The following TRAF5 variants were observed in gnomAD, a reference collection of about 807,000 sequenced individuals.
The protein encoded by TRAF5 is TNF receptor associated factor 5, also known as TNF receptor-associated factor 5.
A neutral mutation model predicts 64.5 loss-of-function variants in TRAF5; 48 were observed. That is an observed-to-expected ratio of 0.74 (90% CI 0.59 to 0.95). The LOEUF is 0.95. TRAF5 is among the 40% of genes least tolerant of loss of function. The pLI is 0.00. For synonymous variants in TRAF5, 206 were observed against 240.5 expected (o/e 0.86, Z 1.33); for missense variants, 545 against 662.8 (o/e 0.82, Z 1.95).
chr1:211,327,405 T>C (rs1702048649), intron 1 of TRAF5, among the ~76,000 whole-genome samples: 1 of 152,200 alleles, frequency 6.6e-6, no homozygotes, highest in Non-Finnish European at 1.5e-5. Context: ...TTGCAAGGAA[T>C]GGAAGCCTCT....
Position 211,335,960 on chromosome 1 carries a change from T to A in TRAF5, c.-2+9071T>A, listed in dbSNP as rs1702279289. Among the ~76,000 whole-genome samples the A allele has an allele frequency of 2.0e-5, 3 of 151,910 alleles. No individual in the cohort carries two copies. The South Asian group carries it at 6.2e-4, about 32-fold the overall frequency. On this transcript the variant is annotated intron_variant, in intron 1 of 10. Transcript: ENST00000261464. The stretch of plus-strand genomic sequence containing the variant: ...GTGTGGTGGCAGGAAGTAGAGGTGG[T>A]CTGGTCTGATGATCTCTGTTTTTTT...
At chr1:211,327,310 C>T (rs1268498614) in intron 1 of TRAF5, among the ~76,000 whole-genome samples, 1 of 152,202 alleles carries the variant, frequency 6.6e-6, no homozygotes, top group African/African-American at 2.4e-5. Flanking sequence ...CAAACCAGGC[C>T]CTGGCCCCCT....
At chr1:211,347,013 C>G (rs1702631527) in intron 1 of TRAF5, among the ~76,000 whole-genome samples, 1 of 152,138 alleles carries the variant, frequency 6.6e-6, no homozygotes, top group Non-Finnish European at 1.5e-5. Context: ...CACTGTACAT[C>G]CCATTGATGG....
intron 8 of TRAF5, 26 bp from the exon 9 acceptor site, chr1:211,369,424 TTA>T: frequency 6.4e-7 from 1 of 1,562,476 alleles, no homozygotes; most frequent in Non-Finnish European, 8.6e-7. Flanking sequence ...TTCAGTGACT[TTA>T]TTTTTCCTCA....
At chr1:211,357,425 C>T (rs939835666) in intron 4 of TRAF5, 2 of 152,134 alleles carry the variant, frequency 1.3e-5, no homozygotes, top group Non-Finnish European at 2.9e-5. Flanking sequence ...TAGTCGAGTC[C>T]TAGAGCAAGG....
intron 1 of TRAF5, among the ~76,000 whole-genome samples, chr1:211,336,781 T>C (rs1352724280): frequency 2.0e-5 from 3 of 152,234 alleles, no homozygotes; most frequent in African/African-American, 7.2e-5. Flanking sequence ...TGCCTCAGCC[T>C]CCTGAGTAGC....
intron 4 of TRAF5, 105 bp from the exon 5 acceptor site, chr1:211,359,807 C>A: frequency 7.1e-7 from 1 of 1,404,728 alleles, no homozygotes; most frequent in Non-Finnish European, 9.9e-7. Context: ...AGCCTTTCTG[C>A]CCAGCTGCCC....
At chr1:211,356,307 C>A in intron 3 of TRAF5, 60 bp from the exon 4 acceptor site, 1 of 1,438,154 alleles carries the variant, frequency 7.0e-7, no homozygotes, top group Non-Finnish European at 9.7e-7. Context: ...TTAGTAATAG[C>A]TTAATTCACA....
intron 8 of TRAF5, among the ~76,000 whole-genome samples, chr1:211,367,741 T>G (rs1703401548): frequency 6.6e-6 from 1 of 152,070 alleles, no homozygotes; most frequent in Admixed American, 6.5e-5. Flanking sequence ...GGCAGGTAGG[T>G]GGAAGTCAGC....
chr1:211,330,222 C>T (rs868015000), intron 1 of TRAF5, among the ~76,000 whole-genome samples: 1 of 152,022 alleles, frequency 6.6e-6, no homozygotes, highest in East Asian at 1.9e-4. Flanking sequence ...CTTAGAGACC[C>T]AGTATTAAGT....
chr1:211,343,733 C>T (rs7512718), intron 1 of TRAF5, among the ~76,000 whole-genome samples: 5 of 152,280 alleles, frequency 3.3e-5, no homozygotes, highest in African/African-American at 4.8e-5. Context: ...CTGCCTCAAT[C>T]GGAACTCTCC....
intron 1 of TRAF5, among the ~76,000 whole-genome samples, chr1:211,341,334 G>C (rs1702443166): frequency 6.6e-6 from 1 of 152,162 alleles, no homozygotes; most frequent in Admixed American, 6.5e-5. Context: ...AGGGATCAGG[G>C]AGTTTCAAGA....
chr1:211,360,874 C>A (rs1703155654), intron 6 of TRAF5, 95 bp downstream of exon 6: 10 of 1,217,552 alleles, frequency 8.2e-6, no homozygotes, highest in Non-Finnish European at 1.2e-5. Context: ...AGATAAGGGC[C>A]CAGGGCTTAA....
chr1:211,341,078 C>T (rs1702436869), intron 1 of TRAF5, among the ~76,000 whole-genome samples: 1 of 152,182 alleles, frequency 6.6e-6, no homozygotes, highest in Non-Finnish European at 1.5e-5. Context: ...ATGACAGCCC[C>T]ATAGCTCCAT....
chr1:211,343,696 C>T (rs74341547), intron 1 of TRAF5, among the ~76,000 whole-genome samples: 14 of 152,180 alleles, frequency 9.2e-5, no homozygotes, highest in Non-Finnish European at 2.1e-4. Flanking sequence ...GCTCCATTCA[C>T]TTCTTTTAAT....
chr1:211,334,729 G>A (rs76436042), intron 1 of TRAF5, among the ~76,000 whole-genome samples: 4,341 of 152,310 alleles, frequency 0.029, 84 homozygotes, highest in South Asian at 0.076. Context: ...GCCGCTCTTA[G>A]CAGTTCAGGT....
chr1:211,346,801 C>T (rs959469421), intron 1 of TRAF5, among the ~76,000 whole-genome samples: 2 of 152,074 alleles, frequency 1.3e-5, no homozygotes, highest in African/African-American at 2.4e-5. Context: ...CGTAGAGATA[C>T]GTAAGTAAAG....
chr1:211,369,159 A>G (rs1254744206), intron 8 of TRAF5: 1 of 183,870 alleles, frequency 5.4e-6, no homozygotes, highest in African/African-American at 2.3e-5. Context: ...GAATGAATGA[A>G]GAGAACCAGT....
At chr1:211,370,191 C>T (rs999485738) in intron 9 of TRAF5, among the ~76,000 whole-genome samples, 1 of 152,032 alleles carries the variant, frequency 6.6e-6, no homozygotes, top group Non-Finnish European at 1.5e-5. Flanking sequence ...AAAAATAATA[C>T]TTTGTAAATT....
Sources: gnomAD v4.1 joint callset for allele counts (sites outside exome capture counted in the v4.1 genomes callset) on GRCh38, gnomAD v4.1.1 for gene constraint, MANE v1.5 for transcripts, NCBI Gene and HGNC (gene_info 2026-07-23, HGNC 2026-07-21) for gene names.